PRKCH: variants seen among roughly 807,000 people sequenced by gnomAD.
PRKCH encodes protein kinase C eta type.
PRKCH carries 28 observed loss-of-function variants against 82.5 expected under a neutral mutation model. The observed-to-expected ratio is 0.34, with a 90% CI of 0.25 to 0.47. The LOEUF is 0.47. Ranked by LOEUF, PRKCH falls within the 20% of genes least tolerant of loss-of-function variation. PRKCH has a pLI of 1.00. For missense variants in PRKCH, 705 were observed against 881.8 expected, an observed-to-expected ratio of 0.80 and a Z score of 2.54; for synonymous variants, 322 against 327.4, an observed-to-expected ratio of 0.98 and a Z score of 0.18.
chr14:61,322,622 C>A, intron 1 of PRKCH, 158 bp downstream of exon 1: 1 of 1,040,256 alleles, frequency 9.6e-7, no homozygotes, highest in Non-Finnish European at 1.3e-6. Flanking sequence ...ACTGGTGACG[C>A]GACCGCGGTG....
chr14:61,455,678 A>G (rs556814930), intron 7 of PRKCH, among the ~76,000 whole-genome samples: 9 of 152,322 alleles, frequency 5.9e-5, no homozygotes, highest in African/African-American at 2.2e-4. Flanking sequence ...ATGCAGCACG[A>G]TCTTTAGGAA....
intron 10 of PRKCH, among the ~76,000 whole-genome samples, chr14:61,494,779 G>A (rs1349278675): frequency 6.6e-6 from 1 of 152,210 alleles, no homozygotes; most frequent in Non-Finnish European, 1.5e-5. Flanking sequence ...CATAGAAATT[G>A]GAGTTTTAGC....
intron 1 of PRKCH, among the ~76,000 whole-genome samples, chr14:61,251,777 A>G (rs1163046260): frequency 1.3e-5 from 2 of 152,136 alleles, no homozygotes; most frequent in Non-Finnish European, 2.9e-5. Flanking sequence ...AGGAACACTA[A>G]ATCATTCTGT....
At chr14:61,389,698 C>CA (rs112924735) in intron 1 of PRKCH, among the ~76,000 whole-genome samples, 15,268 of 104,542 alleles carry the variant, frequency 0.15, 862 homozygotes, top group Non-Finnish European at 0.16. Context: ...GACCCTGTCT[C>CA]AAAAAAAAAA....
At chr14:61,390,932 C>T in intron 1 of PRKCH, 1 of 286,616 alleles carries the variant, frequency 3.5e-6, no homozygotes, top group Non-Finnish European at 6.4e-6. Context: ...ATGGAGGTCT[C>T]AAAAACAATT....
At chr14:61,318,451 C>G (rs1448543526), upstream of PRKCH, among the ~76,000 whole-genome samples, 6 of 151,036 alleles carry the variant, frequency 4.0e-5, no homozygotes, top group African/African-American at 1.5e-4. Flanking sequence ...GCCATCCCCC[C>G]ACCTTGTCCT....
intron 2 of PRKCH, among the ~76,000 whole-genome samples, chr14:61,432,617 G>A (rs1036152065): frequency 6.6e-6 from 1 of 152,140 alleles, no homozygotes; most frequent in South Asian, 2.1e-4. Flanking sequence ...TTACAGGCAC[G>A]AGCCACTGCG....
At chr14:61,327,223 G>A (rs535341613) in intron 1 of PRKCH, 7 of 421,146 alleles carry the variant, frequency 1.7e-5, no homozygotes, top group South Asian at 1.2e-4. Context: ...AAGCAGCCAT[G>A]TTACTACTGG....
At chr14:61,388,931 T>C (rs1021696685) in intron 1 of PRKCH, among the ~76,000 whole-genome samples, 7 of 152,230 alleles carry the variant, frequency 4.6e-5, no homozygotes, top group African/African-American at 7.2e-5. Flanking sequence ...CAGGTTAAGC[T>C]TTCTGAATCT....
intron 1 of PRKCH, among the ~76,000 whole-genome samples, chr14:61,247,346 A>G (rs946825909): frequency 1.3e-5 from 2 of 152,048 alleles, no homozygotes; most frequent in African/African-American, 4.8e-5. Flanking sequence ...TATATGTTCA[A>G]TGTATACCTC....
chr14:61,423,646 A>C (rs1299855597), intron 2 of PRKCH, among the ~76,000 whole-genome samples: 1 of 152,148 alleles, frequency 6.6e-6, no homozygotes, highest in Non-Finnish European at 1.5e-5. Flanking sequence ...CATCAGTTTG[A>C]CAGGAACATA....
intron 12 of PRKCH, among the ~76,000 whole-genome samples, chr14:61,543,027 A>G (rs1478337016): frequency 1.3e-5 from 2 of 152,202 alleles, no homozygotes; most frequent in Non-Finnish European, 2.9e-5. Flanking sequence ...GAAGTTAAGA[A>G]ATTTGTCCAC....
intron 4 of PRKCH, among the ~76,000 whole-genome samples, chr14:61,448,729 C>A (rs1232318301): frequency 6.6e-6 from 1 of 152,054 alleles, no homozygotes; most frequent in Admixed American, 6.6e-5. Flanking sequence ...GAAGAGCAAC[C>A]CATGTAGTTT....
In PRKCH at chr14:61,280,880, G is replaced by T. The variant is rs1399825097; in HGVS notation, c.-19+93212G>T. On this transcript the variant is annotated intron_variant, in intron 1 of 3. Coordinates refer to the PRKCH transcript ENST00000555185. The surrounding 1 kb of genome is among the most constrained non-coding windows in gnomAD (Gnocchi z 5.0). ...AAGTACCAGGCGCACGAGCAGGGGG[G>T]CGGCAGCGCCCGGCCCTGGCCAGCC... 4.5e-6 allele frequency: 7 copies of T among 1,560,666 alleles called. No individual in the cohort carries two copies. In the Admixed American group the frequency reaches 9.5e-5, roughly 21 times the overall value.
intron 9 of PRKCH, among the ~76,000 whole-genome samples, chr14:61,475,524 T>G (rs571275217): frequency 6.6e-6 from 1 of 152,152 alleles, no homozygotes; most frequent in Non-Finnish European, 1.5e-5. Flanking sequence ...GATGCCTGCT[T>G]TACCAGGCTA....
Position 61,257,314 on chromosome 14 carries a change from C to T in PRKCH, c.-19+69646C>T, listed in dbSNP as rs375061212. ...GAAAGCACGCAGGCCCAGCCAGAGG[C>T]GGCGAGGTCAGAGGTCAGGGTTAAC... is the stretch of plus-strand genomic sequence containing the variant. On this transcript the variant is annotated intron_variant, in intron 1 of 3. Coordinates refer to the PRKCH transcript ENST00000555185. Among the ~76,000 whole-genome samples the T allele has an allele frequency of 5.3e-5, 8 of 152,040 alleles. No individual in the cohort carries two copies. The South Asian group carries it at 1.2e-3, about 24-fold the overall frequency.
chr14:61,246,312 G>T (rs1264188695), intron 1 of PRKCH, among the ~76,000 whole-genome samples: 1 of 151,058 alleles, frequency 6.6e-6, no homozygotes, highest in Non-Finnish European at 1.5e-5. Flanking sequence ...GGAGGTTGAG[G>T]CAGGAGAATC....
chr14:61,518,644 CT>C, intron 10 of PRKCH, among the ~76,000 whole-genome samples: 1 of 152,042 alleles, frequency 6.6e-6, no homozygotes, highest in Non-Finnish European at 1.5e-5. Context: ...GAGGGGAAAT[CT>C]CTGAGTCCCT....
Position 61,380,837 on chromosome 14 carries a change from G to A in PRKCH, c.364-10388G>A, listed in dbSNP as rs150066157. Among the ~76,000 whole-genome samples, 8 of 152,006 alleles carry A rather than the reference G, an allele frequency of 5.3e-5. No homozygotes were observed. The East Asian group carries it at 5.8e-4, about 11-fold the overall frequency. On this transcript the variant is annotated intron_variant, in intron 1 of 13. Transcript: ENST00000332981. ...TTGACTGTTTGTGATTTTTTACTACGGGCAGAAAAACTTTGAAAAATTAAT... is the reference window on the plus strand; with the variant it reads ...TTGACTGTTTGTGATTTTTTACTACAGGCAGAAAAACTTTGAAAAATTAAT...
Sources: allele counts gnomAD v4.1 joint callset (sites outside exome capture counted in the v4.1 genomes callset), GRCh38; gene constraint gnomAD v4.1.1; non-coding constraint Gnocchi (gnomAD v3.1); transcripts MANE v1.5; gene names NCBI Gene and HGNC (gene_info 2026-07-23, HGNC 2026-07-21).